Variants in PCDHGA5 observed in about 807,000 individuals in gnomAD.
The protein encoded by PCDHGA5 is protocadherin gamma-A5.
PCDHGA5 carries 36 observed loss-of-function variants against 56.7 expected under a neutral mutation model. The ratio of observed to expected loss-of-function variants is 0.64; its 90% CI spans 0.49 to 0.84. The LOEUF (loss-of-function observed/expected upper bound fraction) is 0.84, where lower values mean the gene tolerates loss of function less well. PCDHGA5 is among the 40% of genes least tolerant of loss of function. The pLI is 0.00. For missense variants in PCDHGA5, 1,305 were observed against 1,201.5 expected, an observed-to-expected ratio of 1.09 and a Z score of -1.27; for synonymous variants, 563 against 520.2, an observed-to-expected ratio of 1.08 and a Z score of -1.12.
chr5:141,412,396 A>G (rs2095553141), intron 1 of PCDHGA5: 1 of 152,216 alleles, frequency 6.6e-6, no homozygotes, highest in Non-Finnish European at 1.5e-5. Flanking sequence ...TTTAACTTGT[A>G]TCCCTGTAAG....
chr5:141,477,431 G>T lies in PCDHGA5; in HGVS notation c.2422-17376G>T. 3 of 1,614,080 alleles carry T rather than the reference G, an allele frequency of 1.9e-6. No homozygotes were observed. The highest frequency in any genetic ancestry group is 2.5e-6 in the Non-Finnish European group (3 of 1,180,012). On this transcript the variant is annotated intron_variant, in intron 1 of 3. Transcript: ENST00000518069. This position sits in a 1 kb window ranked among gnomAD's most constrained non-coding sequence, Gnocchi z 4.9. ...AGACGCCGGAACCCCTTCCCTCTCA[G>T]CCCTTACAATAGTGCGTGTTCAAGT...
chr5:141,434,938 A>G (rs938787407), intron 1 of PCDHGA5, among the ~76,000 whole-genome samples: 2 of 151,738 alleles, frequency 1.3e-5, no homozygotes, highest in Admixed American at 1.3e-4. Flanking sequence ...TATATAATAG[A>G]TATAATTTAT....
intron 1 of PCDHGA5, chr5:141,441,530 A>T (rs2154559371): frequency 5.8e-6 from 1 of 172,118 alleles, no homozygotes; most frequent in Non-Finnish European, 1.2e-5. Flanking sequence ...GCCAAGAACA[A>T]TCTTCCCAAA....
At chr5:141,426,830 C>A (rs559240163) in intron 1 of PCDHGA5, 301 of 456,662 alleles carry the variant, frequency 6.6e-4, no homozygotes, top group African/African-American at 5.8e-3. Flanking sequence ...TGATGATGGA[C>A]AAGACTAAAG....
chr5:141,451,414 A>G (rs934393544), intron 1 of PCDHGA5, among the ~76,000 whole-genome samples: 2 of 152,108 alleles, frequency 1.3e-5, no homozygotes, highest in African/African-American at 2.4e-5. Flanking sequence ...TTCCTTGTGG[A>G]TTGTTAGACT....
intron 1 of PCDHGA5, among the ~76,000 whole-genome samples, chr5:141,460,418 G>C (rs905215023): frequency 3.3e-5 from 5 of 152,096 alleles, no homozygotes; most frequent in Admixed American, 6.5e-5. Flanking sequence ...TGATGTTTAT[G>C]TATGGTGTAT....
At chr5:141,403,168 G>T in intron 1 of PCDHGA5, 14 of 1,614,032 alleles carry the variant, frequency 8.7e-6, no homozygotes, top group African/African-American at 1.3e-5. Flanking sequence ...GAGGTAGGAC[G>T]CAGCTTTTCT....
At chr5:141,472,980 CAAAAAAA>C (rs60579131) in intron 1 of PCDHGA5, among the ~76,000 whole-genome samples, 1 of 86,108 alleles carries the variant, frequency 1.2e-5, no homozygotes, top group East Asian at 4.1e-4. Context: ...GAGTGAAACT[CAAAAAAA>C]AAAAAAAAAA....
chr5:141,471,846 T>C (rs2099265433), intron 1 of PCDHGA5, among the ~76,000 whole-genome samples: 1 of 152,180 alleles, frequency 6.6e-6, no homozygotes. Context: ...AATAAAATAT[T>C]CAGAAAAAGC....
intron 1 of PCDHGA5, chr5:141,413,940 TC>T (rs1190444840): frequency 1.2e-6 from 2 of 1,613,390 alleles, no homozygotes; most frequent in East Asian, 2.2e-5. Context: ...GAGTGAGTGT[TC>T]CTGAGAATTT....
rs754935227 is a variant in PCDHGA5 at position 141,395,069 on chromosome 5, C to G, written c.2421+28318C>G. The G allele has an allele frequency of 3.7e-6, 6 of 1,614,006 alleles. No homozygotes were observed. In the African/African-American group the frequency reaches 8.0e-5, roughly 22 times the overall value. ...AGGAGGTACAGGCTTTCCTGCAGAC[C>G]TATTCCCAGGAAGTCTCCCTCACCG... On this transcript the variant is annotated intron_variant, in intron 1 of 3. Transcript: ENST00000518069.
At position 141,491,561 on chromosome 5, in the gene PCDHGA5, A is replaced by C. The variant is rs1289732955; in HGVS notation, c.2422-3246A>C. The C allele has an allele frequency of 1.2e-6, 2 of 1,613,938 alleles. No homozygotes were observed. Among genetic ancestry groups the C allele is most frequent in the Admixed American group, 3.3e-5 (2 of 60,016 alleles). On this transcript the variant is annotated intron_variant, in intron 1 of 3. Transcript: ENST00000518069. This position sits in a 1 kb window ranked among gnomAD's most constrained non-coding sequence, Gnocchi z 6.9. ...CCCACAGACTCGCAGAGCCACTGCT[A>C]CAGGACGTGCTTTTCACCGGCCTCG...
At chr5:141,371,306 TG>T in intron 1 of PCDHGA5, 1 of 1,613,950 alleles carries the variant, frequency 6.2e-7, no homozygotes, top group Non-Finnish European at 8.5e-7. Flanking sequence ...TCACCACTAT[TG>T]GAGAACTGGA....
chr5:141,367,386 A>T (rs549241556), intron 1 of PCDHGA5: 1 of 152,182 alleles, frequency 6.6e-6, no homozygotes, highest in South Asian at 2.1e-4. Flanking sequence ...AAATACAAAA[A>T]ATTAGCCGGG....
rs2099706000 is a variant in PCDHGA5 at position 141,490,911 on chromosome 5, G to A, written c.2422-3896G>A. 1 of 1,613,722 alleles carries A rather than the reference G, an allele frequency of 6.2e-7. No individual in the cohort carries two copies. Among genetic ancestry groups the A allele is most frequent in the Non-Finnish European group, 8.5e-7 (1 of 1,179,746 alleles). Reference sequence around the variant, plus strand: ...CTCTGCATGTGTTTGTCCTAGACGAGAATGATAATGCCCCAGCTGTGCTGC... The same window carrying A: ...CTCTGCATGTGTTTGTCCTAGACGAAAATGATAATGCCCCAGCTGTGCTGC... On this transcript the variant is annotated intron_variant, in intron 1 of 3. Coordinates refer to ENST00000518069, the MANE Select transcript of PCDHGA5 (RefSeq NM_018918.3). This position sits in a 1 kb window ranked among gnomAD's most constrained non-coding sequence, Gnocchi z 5.4.
In PCDHGA5 at chr5:141,364,396, G is replaced by T; in HGVS notation, c.66G>T (p.Thr22=). The T allele has an allele frequency of 1.9e-6, 3 of 1,604,434 alleles. No individual in the cohort carries two copies. Among genetic ancestry groups the T allele is most frequent in the Non-Finnish European group, 2.6e-6 (3 of 1,175,080 alleles). ...TGCTGCCCTTCATGCTCCTGGGGACGCTGTGCGAGCCAGGATCCGGGCAGA... is the reference window on the plus strand; with the variant it reads ...TGCTGCCCTTCATGCTCCTGGGGACTCTGTGCGAGCCAGGATCCGGGCAGA... ...ELLLPFMLLG[T]LCEPGSGQIR... is the part of the protein sequence containing the mutation. The change falls in exon 1 of 4, where the codon ACG becomes ACT. Residue 22 remains threonine (T), a synonymous_variant. Coordinates refer to ENST00000518069, the MANE Select transcript of PCDHGA5 (RefSeq NM_018918.3).
Position 141,489,417 on chromosome 5 carries a change from G to A in PCDHGA5, c.2422-5390G>A, listed in dbSNP as rs1020232739. On this transcript the variant is annotated intron_variant, in intron 1 of 3. Coordinates refer to ENST00000518069, the MANE Select transcript of PCDHGA5 (RefSeq NM_018918.3). This position sits in a 1 kb window ranked among gnomAD's most constrained non-coding sequence, Gnocchi z 4.5. ...ATCTGGGCTTAAAGATGACAGATCT[G>A]TTGAGCCGGCGGCTGCAATTGGGCT... The A allele has an allele frequency of 1.2e-6, 2 of 1,614,172 alleles. No individual in the cohort carries two copies. The highest frequency in any genetic ancestry group is 3.3e-5 in the Admixed American group (2 of 60,030).
At position 141,408,836 on chromosome 5, in the gene PCDHGA5, T is replaced by C. The variant is rs772595834; in HGVS notation, c.2421+42085T>C. The C allele has an allele frequency of 5.0e-6, 8 of 1,613,680 alleles. No individual in the cohort carries two copies. In the South Asian group the frequency reaches 6.6e-5, roughly 13 times the overall value. ...AGAACAGAGATCTCATAGCTTGATA[T>C]TGACTGCCTTGGACGGAGGGGACCC... On this transcript the variant is annotated intron_variant, in intron 1 of 3. Transcript: ENST00000518069.
rs1247382831 is a variant in PCDHGA5 at position 141,388,673 on chromosome 5, G to A, written c.2421+21922G>A. On this transcript the variant is annotated intron_variant, in intron 1 of 3. Transcript: ENST00000518069. ...TGTACCCGGGGACCACGGTGCTACA[G>A]GTGACTGCCACGGACCAGGATGAGG... The A allele has an allele frequency of 2.5e-6, 4 of 1,613,942 alleles. No homozygotes were observed. In the South Asian group the frequency reaches 3.3e-5, roughly 13 times the overall value.
Sources: gnomAD v4.1 joint callset for allele counts (sites outside exome capture counted in the v4.1 genomes callset) on GRCh38, gnomAD v4.1.1 for gene constraint, Gnocchi (gnomAD v3.1) non-coding constraint, MANE v1.5 for transcripts, NCBI Gene and HGNC (gene_info 2026-07-23, HGNC 2026-07-21) for gene names.